PCID2: variants seen among roughly 807,000 people sequenced by gnomAD.
PCID2 encodes the protein PCI domain-containing protein 2.
In PCID2, 41 loss-of-function variants were observed where a neutral mutation model predicts 61.3. That is an observed-to-expected ratio of 0.67 (90% CI 0.52 to 0.87). The LOEUF (loss-of-function observed/expected upper bound fraction) is 0.87, where lower values mean the gene tolerates loss of function less well. Among genes scored for constraint, PCID2 ranks in the 40% least tolerant of loss-of-function variants. PCID2 has a pLI of 0.00. For synonymous variants in PCID2, 187 were observed against 177.8 expected (o/e 1.05, Z -0.41); for missense variants, 392 against 493.4 (o/e 0.79, Z 1.95).
intron 4 of PCID2, 96 bp from the exon 5 acceptor site, chr13:113,196,318 C>G: frequency 1.1e-6 from 1 of 896,798 alleles, no homozygotes; most frequent in South Asian, 1.7e-5. Flanking sequence ...GAATGTAGAT[C>G]ACCCTTGAGC....
chr13:113,169,091 AT>A, the PCID2 span, among the ~76,000 whole-genome samples: 1 of 151,890 alleles, frequency 6.6e-6, no homozygotes, highest in Non-Finnish European at 1.5e-5. Context: ...CTCTAATTAC[AT>A]GTATCTTAAG....
chr13:113,208,212 G>C, intron 1 of PCID2: 4 of 1,530,706 alleles, frequency 2.6e-6, no homozygotes, highest in Non-Finnish European at 3.5e-6. Context: ...GCATCCTGCT[G>C]GGAAACAGCG....
intron 1 of PCID2, among the ~76,000 whole-genome samples, chr13:113,207,468 T>C (rs1291555790): frequency 2.0e-5 from 3 of 152,224 alleles, no homozygotes; most frequent in East Asian, 3.8e-4. Flanking sequence ...CTGCTAAGAT[T>C]AGGCCAAAAC....
chr13:113,195,767 C>A (rs955053416), intron 5 of PCID2, among the ~76,000 whole-genome samples: 1 of 151,932 alleles, frequency 6.6e-6, no homozygotes, highest in Non-Finnish European at 1.5e-5. Flanking sequence ...GTTAATAAAT[C>A]ATAAAATTTA....
chr13:113,200,701 T>A, intron 1 of PCID2, 185 bp from the exon 2 acceptor site: 1 of 378,654 alleles, frequency 2.6e-6, no homozygotes, highest in East Asian at 5.0e-5. Flanking sequence ...AATTTCTTTT[T>A]TTTTTTTTTT....
chr13:113,180,045 G>A lies in PCID2; in HGVS notation c.861-3C>T, dbSNP rs777043813. The stretch of plus-strand genomic sequence containing the variant: ...GCAGCAGCAGCAGGTTGCCCTCGCT[G>A]GTGAGGGGGGAGGCGCGTCAGAAGG... On this transcript the variant is annotated splice_polypyrimidine_tract_variant and splice_region_variant and intron_variant, in intron 11 of 13. Transcript: ENST00000337344. 2 of 1,613,964 alleles carry A rather than the reference G, an allele frequency of 1.2e-6. No individual in the cohort carries two copies. Among genetic ancestry groups the A allele is most frequent in the Admixed American group, 1.7e-5 (1 of 60,020 alleles).
chr13:113,201,529 T>C (rs982502114), intron 1 of PCID2, among the ~76,000 whole-genome samples: 2 of 152,044 alleles, frequency 1.3e-5, no homozygotes, highest in Admixed American at 6.5e-5. Flanking sequence ...TACAAAAAAA[T>C]TGCCGGTCAC....
At chr13:113,165,053 A>G in the PCID2 span, 1 of 1,613,466 alleles carries the variant, frequency 6.2e-7, no homozygotes, top group South Asian at 1.1e-5. Flanking sequence ...GCAAATGCAG[A>G]CCAGTGTGCC....
At chr13:113,181,579 T>C (rs2138674614) in intron 9 of PCID2, among the ~76,000 whole-genome samples, 1 of 152,244 alleles carries the variant, frequency 6.6e-6, no homozygotes, top group Non-Finnish European at 1.5e-5. Context: ...TCATGAAAAA[T>C]ATAAAGACAT....
intron 1 of PCID2, 95 bp from the exon 2 acceptor site, chr13:113,200,611 T>G: frequency 6.5e-6 from 5 of 772,672 alleles, no homozygotes; most frequent in Non-Finnish European, 1.1e-5. Context: ...AGGGGAAAAT[T>G]CATTTTCCCC....
At chr13:113,168,940 G>A in the PCID2 span, among the ~76,000 whole-genome samples, 1 of 152,114 alleles carries the variant, frequency 6.6e-6, no homozygotes, top group South Asian at 2.1e-4. Context: ...TGTTGCTCAG[G>A]CTGGTCTCAA....
At position 113,196,222 on chromosome 13, in the gene PCID2, T is replaced by C. The variant is rs767036254; in HGVS notation, c.267A>G (p.Gln89=). The C allele has an allele frequency of 7.5e-6, 12 of 1,600,002 alleles. No homozygotes were observed. Among genetic ancestry groups the C allele is most frequent in the Middle Eastern group, 1.7e-4 (1 of 6,020 alleles). ...EAYKCQTVIV[Q]SFLRAFQAHK... ...GGGCCTGGAATGCTCGCAAGAATGA[T>C]GTACTGTATTAAGGAAGATATGGCA... Residue 89 remains glutamine, a splice_region_variant and synonymous_variant, in exon 5 of 14, where the codon CAA becomes CAG. Transcript: ENST00000337344.
At chr13:113,184,127 CTG>C (rs2037888833) in intron 9 of PCID2, 1 of 558,314 alleles carries the variant, frequency 1.8e-6, no homozygotes, top group Admixed American at 6.3e-5. Context: ...TCTGTAATGC[CTG>C]TGAGACTCCA....
At chr13:113,194,382 CA>C (rs1343664693) in intron 6 of PCID2, among the ~76,000 whole-genome samples, 1 of 151,812 alleles carries the variant, frequency 6.6e-6, no homozygotes, top group African/African-American at 2.4e-5. Context: ...AGACAGGAGA[CA>C]AAAAGGAAAC....
rs2039000562 is a variant in PCID2, at chr13:113,196,211, C to T, written c.278G>A (p.Arg93Gln). ...TTCTTCTTTGTGGGCCTGGAATGCT[C>T]GCAAGAATGATGTACTGTATTAAGG... ...CQTVIVQSFL[R>Q]AFQAHKEENW... Residue 93 changes from arginine to glutamine, a missense_variant, in exon 5 of 14, where the codon CGA becomes CAA. Transcript: ENST00000337344. The T allele has an allele frequency of 6.2e-7, 1 of 1,601,154 alleles. No homozygotes were observed. The highest frequency in any genetic ancestry group is 8.5e-7 in the Non-Finnish European group (1 of 1,170,290).
chr13:113,199,955 C>T (rs1309256712), intron 2 of PCID2, among the ~76,000 whole-genome samples: 1 of 152,168 alleles, frequency 6.6e-6, no homozygotes, highest in Non-Finnish European at 1.5e-5. Flanking sequence ...CAGGGCTTTA[C>T]CAAATGTCCA....
chr13:113,175,334 T>C (rs2037169785), downstream of PCID2, among the ~76,000 whole-genome samples: 1 of 152,210 alleles, frequency 6.6e-6, no homozygotes, highest in Non-Finnish European at 1.5e-5. Context: ...ACTTTAGGTG[T>C]CACTATGGAC....
chr13:113,190,771 T>C (rs1192199766), intron 7 of PCID2, 101 bp downstream of exon 7: 1 of 567,748 alleles, frequency 1.8e-6, no homozygotes, highest in African/African-American at 1.9e-5. Context: ...TGTGTAGAAA[T>C]GAAATATGTG....
At chr13:113,207,907 A>C (rs113880187) in intron 1 of PCID2, 2 of 909,994 alleles carry the variant, frequency 2.2e-6, no homozygotes, top group African/African-American at 3.3e-5. Context: ...TCCATTCCCT[A>C]TATTTCCTAT....
Sources: allele counts gnomAD v4.1 joint callset (sites outside exome capture counted in the v4.1 genomes callset), GRCh38; gene constraint gnomAD v4.1.1; transcripts MANE v1.5; gene names NCBI Gene and HGNC (gene_info 2026-07-23, HGNC 2026-07-21).